CD163L1: variants seen among roughly 807,000 people sequenced by gnomAD.
The protein encoded by CD163L1 is scavenger receptor cysteine-rich type 1 protein M160.
CD163L1 carries 124 observed loss-of-function variants against 165.4 expected under a neutral mutation model. The observed-to-expected ratio is 0.75, with a 90% confidence interval of 0.65 to 0.87. The LOEUF (loss-of-function observed/expected upper bound fraction) is 0.87. CD163L1 is among the 40% of genes least tolerant of loss of function. The probability of loss-of-function intolerance (pLI) is 0.00; values close to 1 mark genes in which losing one functional copy is unlikely to be tolerated. For missense variants in CD163L1, 1,525 were observed against 1,799.9 expected, an observed-to-expected ratio of 0.85 and a Z score of 2.76; for synonymous variants, 585 against 662.2, an observed-to-expected ratio of 0.88 and a Z score of 1.79.
chr12:7,347,018 C>G lies in CD163L1; in HGVS notation c.*154G>C, dbSNP rs1946675244. Reference sequence around the variant, plus strand: ...GGCCTATTCAGTGCAAAGGGATGCTCTCTGCTTACCTGCAGCAGAAAAACT... The same window carrying G: ...GGCCTATTCAGTGCAAAGGGATGCTGTCTGCTTACCTGCAGCAGAAAAACT... On this transcript the variant is annotated 3_prime_UTR_variant, in exon 5 of 5. Coordinates refer to the CD163L1 transcript ENST00000539726. The surrounding 1 kb of genome is among the most constrained non-coding windows in gnomAD (Gnocchi z 4.2). The G allele has an allele frequency of 6.6e-6, 1 of 152,204 alleles. No individual in the cohort carries two copies. The highest frequency in any genetic ancestry group is 1.9e-4 in the East Asian group (1 of 5,198). The allele number at this position is 152,204 out of a possible 1,614,324, so 9.4% of individuals were successfully genotyped here. A position where few individuals can be genotyped will look rare whatever the true frequency, so the allele number is the denominator to read the frequency against.
chr12:7,422,751 ATGTGTG>A (rs72061380), intron 4 of CD163L1, among the ~76,000 whole-genome samples: 20 of 143,892 alleles, frequency 1.4e-4, no homozygotes, highest in East Asian at 6.1e-4. Context: ...ATATATACAT[ATGTGTG>A]TGTGTGTGTG....
At chr12:7,351,237 G>A (rs1020373909), downstream of CD163L1, among the ~76,000 whole-genome samples, 7 of 152,090 alleles carry the variant, frequency 4.6e-5, no homozygotes, top group African/African-American at 1.7e-4. Context: ...GTGCATGCAT[G>A]TGTATGTATG....
chr12:7,395,957 T>C (rs1318746565), intron 8 of CD163L1, 138 bp downstream of exon 8: 1 of 584,010 alleles, frequency 1.7e-6, no homozygotes, highest in Non-Finnish European at 2.9e-6. Flanking sequence ...TAAAAATGAA[T>C]GAGAATATGA....
At chr12:7,324,155 C>CAAA in the CD163L1 span, 25 of 1,002,006 alleles carry the variant, frequency 2.5e-5, no homozygotes, top group Non-Finnish European at 2.7e-5. Flanking sequence ...GACTCTGTCT[C>CAAA]AAAAAAAAAA....
intron 4 of CD163L1, among the ~76,000 whole-genome samples, chr12:7,421,247 G>GAT (rs1435250684): frequency 8.0e-6 from 1 of 125,162 alleles, no homozygotes; most frequent in East Asian, 2.3e-4. Flanking sequence ...ACATTTGGAA[G>GAT]ATATATATGT....
At chr12:7,407,083 A>C (rs1187861992) in intron 4 of CD163L1, among the ~76,000 whole-genome samples, 1 of 152,228 alleles carries the variant, frequency 6.6e-6, no homozygotes, top group Non-Finnish European at 1.5e-5. Context: ...TTGGGGAATA[A>C]AGCACAACAG....
intron 8 of CD163L1, among the ~76,000 whole-genome samples, chr12:7,390,574 G>C (rs1947632642): frequency 6.6e-6 from 1 of 152,108 alleles, no homozygotes; most frequent in African/African-American, 2.4e-5. Flanking sequence ...ATTCAAATTG[G>C]AAGATCTTCT....
chr12:7,323,162 A>G, the CD163L1 span: 1 of 1,397,858 alleles, frequency 7.2e-7, no homozygotes, highest in South Asian at 1.3e-5. Flanking sequence ...TCAAATCTTA[A>G]TTTTCATTGC....
At chr12:7,337,851 T>C in the CD163L1 span, among the ~76,000 whole-genome samples, 1 of 152,208 alleles carries the variant, frequency 6.6e-6, no homozygotes, top group African/African-American at 2.4e-5. Context: ...CATTCTACTA[T>C]AAAGTCACAT....
the CD163L1 span, among the ~76,000 whole-genome samples, chr12:7,333,580 A>C: frequency 6.6e-6 from 1 of 152,234 alleles, no homozygotes; most frequent in East Asian, 1.9e-4. Context: ...AATTAAAAGA[A>C]CTAGAAAAGC....
Position 7,378,932 on chromosome 12 carries a change from AAAAT to A in CD163L1, c.2371+42_2371+45del, listed in dbSNP as rs1286772334. On this transcript the variant is annotated intron_variant, in intron 9 of 19. Coordinates refer to ENST00000313599, the MANE Select transcript of CD163L1 (RefSeq NM_174941.6). Reference sequence around the variant, plus strand: ...CATAAACACGTATTAAATAAGTGCAAAAATAAATAATTAAATAAATGTGTTTATC... The same window carrying A: ...CATAAACACGTATTAAATAAGTGCAAAAATAATTAAATAAATGTGTTTATC... 4.5e-6 allele frequency: 7 copies of A among 1,538,730 alleles called. No homozygotes were observed. The African/African-American group carries it at 6.9e-5, about 15-fold the overall frequency.
intron 17 of CD163L1, 118 bp downstream of exon 17, chr12:7,367,969 C>T (rs1947057145): frequency 1.5e-6 from 1 of 675,098 alleles, no homozygotes; most frequent in African/African-American, 1.8e-5. Context: ...CTGGCACTTT[C>T]CAATCCATCT....
At chr12:7,429,012 A>G (rs1174971500) in intron 4 of CD163L1, among the ~76,000 whole-genome samples, 3 of 152,094 alleles carry the variant, frequency 2.0e-5, no homozygotes, top group African/African-American at 7.2e-5. Flanking sequence ...TATATATACA[A>G]TATTGTGTTA....
intron 7 of CD163L1, among the ~76,000 whole-genome samples, chr12:7,397,531 T>C (rs952474333): frequency 6.6e-6 from 1 of 152,030 alleles, no homozygotes; most frequent in Non-Finnish European, 1.5e-5. Flanking sequence ...GTTGGGAACA[T>C]TGAAACCCTA....
chr12:7,390,671 GAAAATTT>G (rs1947635538), intron 8 of CD163L1, among the ~76,000 whole-genome samples: 1 of 152,050 alleles, frequency 6.6e-6, no homozygotes, highest in Non-Finnish European at 1.5e-5. Context: ...AATTTAAAAG[GAAAATTT>G]CAAGTCTATA....
chr12:7,418,793 T>C (rs1452175259), intron 4 of CD163L1, among the ~76,000 whole-genome samples: 1 of 152,018 alleles, frequency 6.6e-6, no homozygotes, highest in Non-Finnish European at 1.5e-5. Context: ...ATAGGTAAAT[T>C]TCTGGAAATA....
intron 1 of CD163L1, among the ~76,000 whole-genome samples, chr12:7,443,591 G>C (rs1454890082): frequency 6.6e-6 from 1 of 152,010 alleles, no homozygotes; most frequent in Non-Finnish European, 1.5e-5. Context: ...AAAGATCAAG[G>C]GCTCAGACTT....
At chr12:7,440,549 A>C (rs1052058163) in intron 2 of CD163L1, among the ~76,000 whole-genome samples, 2 of 150,368 alleles carry the variant, frequency 1.3e-5, no homozygotes, top group Non-Finnish European at 3.0e-5. Context: ...TTATTAACCG[A>C]TTTTTCTATT....
At chr12:7,435,821 G>A (rs1478529167) in intron 2 of CD163L1, among the ~76,000 whole-genome samples, 2 of 151,888 alleles carry the variant, frequency 1.3e-5, no homozygotes, top group African/African-American at 4.8e-5. Flanking sequence ...CAAATTCACT[G>A]GGAATATTTA....
Sources: gnomAD v4.1 joint callset for allele counts (sites outside exome capture counted in the v4.1 genomes callset) on GRCh38, gnomAD v4.1.1 for gene constraint, Gnocchi (gnomAD v3.1) non-coding constraint, MANE v1.5 for transcripts, NCBI Gene and HGNC (gene_info 2026-07-23, HGNC 2026-07-21) for gene names.